The following EIF3J variants were observed in gnomAD, a reference collection of about 807,000 sequenced individuals.
The protein encoded by EIF3J is eukaryotic translation initiation factor 3, subunit 1 (alpha, 35kD).
A neutral mutation model predicts 39.0 loss-of-function variants in EIF3J; 15 were observed. That is an observed-to-expected ratio of 0.38 (90% CI 0.26 to 0.59). EIF3J has a LOEUF of 0.59. Ranked by LOEUF, EIF3J falls within the 20% of genes least tolerant of loss-of-function variation. The pLI is 0.60. For missense variants in EIF3J, 226 were observed against 308.6 expected, an observed-to-expected ratio of 0.73 and a Z score of 2.00; for synonymous variants, 98 against 112.9, an observed-to-expected ratio of 0.87 and a Z score of 0.84.
intron 2 of EIF3J, among the ~76,000 whole-genome samples, chr15:44,547,505 A>G (rs922188421): frequency 5.9e-5 from 8 of 136,466 alleles, no homozygotes; most frequent in Non-Finnish European, 1.2e-4. Context: ...GCTGGAGTGC[A>G]GTGGCACAAT....
intron 6 of EIF3J, among the ~76,000 whole-genome samples, chr15:44,559,486 G>A (rs1172147880): frequency 1.7e-4 from 25 of 151,260 alleles, no homozygotes; most frequent in Non-Finnish European, 4.4e-5. Flanking sequence ...CGAGGCAGGC[G>A]GATCACGTCA....
chr15:44,557,802 A>G, intron 6 of EIF3J, 152 bp downstream of exon 6: 3 of 484,780 alleles, frequency 6.2e-6, no homozygotes, highest in Non-Finnish European at 9.8e-6. Context: ...GTTGTTCTGC[A>G]GATACAGTGA....
At chr15:44,551,894 A>G (rs2082101962) in intron 4 of EIF3J, among the ~76,000 whole-genome samples, 1 of 151,684 alleles carries the variant, frequency 6.6e-6, no homozygotes, top group Non-Finnish European at 1.5e-5. Flanking sequence ...CAGTGGCACA[A>G]TCTCGGCTCA....
At chr15:44,560,650 GTATT>G (rs984535245) in intron 7 of EIF3J, 3 of 340,510 alleles carry the variant, frequency 8.8e-6, no homozygotes, top group Admixed American at 4.3e-5. Context: ...ACTTTGCAGA[GTATT>G]TATAAGAGTA....
chr15:44,558,323 G>A (rs1305760682), intron 6 of EIF3J, among the ~76,000 whole-genome samples: 1 of 152,086 alleles, frequency 6.6e-6, no homozygotes, highest in Non-Finnish European at 1.5e-5. Flanking sequence ...AATTCTCCTG[G>A]TCTGGCGCAG....
chr15:44,560,943 T>G, intron 7 of EIF3J, 75 bp from the exon 8 acceptor site: 2 of 1,556,886 alleles, frequency 1.3e-6, no homozygotes, highest in Non-Finnish European at 1.7e-6. Flanking sequence ...GTGTGTTTGT[T>G]TATGAGGGTT....
rs147291950 is a variant in EIF3J at position 44,555,276 on chromosome 15, C to T, written c.409+609C>T. ...TGGCTAGAGAAATAGTCAAAGCCCT[C>T]GCTTCATTTAACCAAGTTATCGTTA... On this transcript the variant is annotated intron_variant, in intron 5 of 7. Coordinates refer to ENST00000261868, the MANE Select transcript of EIF3J (RefSeq NM_003758.4). Among the ~76,000 whole-genome samples the T allele has an allele frequency of 8.9e-3, 1,360 of 152,260 alleles. 15 individuals carry two copies. The highest frequency in any genetic ancestry group is 0.031 in the African/African-American group (1,299 of 41,548).
intron 2 of EIF3J, among the ~76,000 whole-genome samples, chr15:44,542,047 T>G (rs1270141224): frequency 2.6e-5 from 4 of 152,202 alleles, no homozygotes. Flanking sequence ...TAAAGTAGAT[T>G]GATAACTGTC....
At chr15:44,544,116 C>T (rs1351816690) in intron 2 of EIF3J, among the ~76,000 whole-genome samples, 2 of 87,528 alleles carry the variant, frequency 2.3e-5, no homozygotes, top group Non-Finnish European at 4.4e-5. Flanking sequence ...TTTTTTTAGA[C>T]GGAGGCCTTC....
chr15:44,551,459 A>G lies in EIF3J; in HGVS notation c.231A>G (p.Ile77Met), dbSNP rs372928648. 4 of 1,588,082 alleles carry G rather than the reference A, an allele frequency of 2.5e-6. No individual in the cohort carries two copies. The highest frequency in any genetic ancestry group is 3.4e-6 in the Non-Finnish European group (4 of 1,171,726). ...PEVKISEKKK[I>M]AEKIKEKERQ... is the part of the protein sequence containing the mutation. The stretch of plus-strand genomic sequence containing the variant: ...TAAAAATTTCAGAAAAGAAAAAAAT[A>G]GCAGAGAAGATAAAAGAGAAAGAAC... The change falls in exon 4 of 8, where the codon ATA becomes ATG. Residue 77 changes from isoleucine to methionine, a missense_variant. By Grantham distance (10) the Ile-to-Met change is conservative. This residue lies in a region of EIF3J where 143 missense variants were observed against 156.0 expected (regional missense o/e 0.92). Transcript: ENST00000261868.
intron 2 of EIF3J, among the ~76,000 whole-genome samples, chr15:44,549,483 A>G (rs2082080851): frequency 6.7e-6 from 1 of 150,324 alleles, no homozygotes; most frequent in Non-Finnish European, 1.5e-5. Flanking sequence ...GAAAGAAAAG[A>G]CTGGGGCTAG....
rs2081963695 is a variant in EIF3J, at chr15:44,537,155, G to C, written c.-40G>C. On this transcript the variant is annotated 5_prime_UTR_variant, in exon 1 of 8. Transcript: ENST00000261868. ...CTCACCTCCGCCGTGCTAACTCCTC[G>C]CTAGCTCTCCCTCTCACACACGCTC... 5 of 1,612,946 alleles carry C rather than the reference G, an allele frequency of 3.1e-6. No individual in the cohort carries two copies. Among genetic ancestry groups the C allele is most frequent in the Non-Finnish European group, 4.2e-6 (5 of 1,179,526 alleles).
intron 2 of EIF3J, among the ~76,000 whole-genome samples, chr15:44,540,533 A>G (rs1427602681): frequency 1.3e-5 from 2 of 151,788 alleles, no homozygotes; most frequent in Non-Finnish European, 2.9e-5. Context: ...TTGGCCTCCC[A>G]GAGTGCTGAG....
intron 4 of EIF3J, among the ~76,000 whole-genome samples, chr15:44,551,853 C>T (rs1295996388): frequency 1.3e-5 from 2 of 149,716 alleles, no homozygotes; most frequent in South Asian, 2.1e-4. Context: ...TTTTTGGAGA[C>T]GGAGTCTTGC....
At position 44,561,368 on chromosome 15, in the gene EIF3J, A is replaced by G. The variant is rs564068396; in HGVS notation, c.*219A>G. The G allele has an allele frequency of 8.5e-5, 34 of 400,840 alleles. No homozygotes were observed. Among genetic ancestry groups the G allele is most frequent in the African/African-American group, 6.4e-4 (32 of 49,832 alleles). 24.8% of individuals were successfully genotyped at this position (400,840 alleles called of 1,614,324 possible). A position where few individuals can be genotyped will look rare whatever the true frequency, so the allele number is the denominator to read the frequency against. ...AAAATTGGGAACCTAAGTTGCTACT[A>G]AATCATAGTTCAAAACCTAATAATG... On this transcript the variant is annotated 3_prime_UTR_variant, in exon 8 of 8. Transcript: ENST00000261868.
At chr15:44,538,056 G>C (rs768178059) in intron 2 of EIF3J, among the ~76,000 whole-genome samples, 3 of 152,100 alleles carry the variant, frequency 2.0e-5, no homozygotes, top group Non-Finnish European at 2.9e-5. Flanking sequence ...AACCCAGGTA[G>C]TTCACACCGT....
intron 2 of EIF3J, among the ~76,000 whole-genome samples, chr15:44,544,115 A>G (rs1329348353): frequency 1.8e-5 from 2 of 108,816 alleles, no homozygotes; most frequent in Non-Finnish European, 3.7e-5. Context: ...TTTTTTTTAG[A>G]CGGAGGCCTT....
rs2082212354 is a variant in EIF3J, at chr15:44,562,502, TTC to T, written c.*1357_*1358del. On this transcript the variant is annotated 3_prime_UTR_variant, in exon 8 of 8. Transcript: ENST00000261868. ...AGAAAGAACAAAAAATGTTTTAAAT[TTC>T]TCTTATATAGGAAATAATAGGAACG... 1 of 152,646 alleles carries T rather than the reference TTC, an allele frequency of 6.6e-6. No homozygotes were observed. The highest frequency in any genetic ancestry group is 1.5e-5 in the Non-Finnish European group (1 of 68,054). 9.5% of individuals were successfully genotyped at this position (152,646 alleles called of 1,614,324 possible).
Position 44,557,603 on chromosome 15 carries a change from A to G in EIF3J, c.524A>G (p.Tyr175Cys). ...DKITQYEKSL[Y>C]YASFLEVLVR... ...ATTACACAATATGAAAAGTCACTATATTATGCCAGTTTTTTGGAAGTCTTA... is the reference window on the plus strand; with the variant it reads ...ATTACACAATATGAAAAGTCACTATGTTATGCCAGTTTTTTGGAAGTCTTA... Residue 175 changes from tyrosine (Y) to cysteine (C), a missense_variant, in exon 6 of 8, where the codon TAT (tyrosine) becomes TGT (cysteine). By Grantham distance (194) the Tyr-to-Cys change is radical. Around this residue, in one of 2 missense-constraint regions of EIF3J, gnomAD observed 83 missense variants for 152.6 expected, o/e 0.54. Coordinates refer to ENST00000261868, the MANE Select transcript of EIF3J (RefSeq NM_003758.4). The G allele has an allele frequency of 6.5e-7, 1 of 1,534,806 alleles. No homozygotes were observed. The highest frequency in any genetic ancestry group is 8.8e-7 in the Non-Finnish European group (1 of 1,141,514).
Sources: allele counts gnomAD v4.1 joint callset (sites outside exome capture counted in the v4.1 genomes callset), GRCh38; gene constraint gnomAD v4.1.1; regional missense constraint gnomAD v4.1.1; transcripts MANE v1.5; gene names NCBI Gene and HGNC (gene_info 2026-07-23, HGNC 2026-07-21).